The following PNLIPRP1 variants were observed in gnomAD, a reference collection of about 807,000 sequenced individuals.
The protein encoded by PNLIPRP1 is inactive pancreatic lipase-related protein 1.
A neutral mutation model predicts 54.6 loss-of-function variants in PNLIPRP1; 57 were observed. That is an observed-to-expected ratio of 1.04 (90% CI 0.84 to 1.30). PNLIPRP1 has a LOEUF of 1.30. PNLIPRP1 is among the 50% of genes most tolerant of loss of function. The pLI is 0.00. For missense variants in PNLIPRP1, 567 were observed against 568.5 expected, an observed-to-expected ratio of 1.00 and a Z score of 0.03; for synonymous variants, 232 against 208.8, an observed-to-expected ratio of 1.11 and a Z score of -0.96.
At chr10:116,592,363 A>T in intron 3 of PNLIPRP1, 53 bp from the exon 4 acceptor site, 1 of 1,533,006 alleles carries the variant, frequency 6.5e-7, no homozygotes. Flanking sequence ...GGAAGGAAAA[A>T]GGCCTGTGAG....
At position 116,597,757 on chromosome 10, in the gene PNLIPRP1, G is replaced by T. The variant is rs549196539; in HGVS notation, c.575-71G>T. ...AGTTGGGCAGTGCATAGCCCGGGCA[G>T]CTGTACACCTTGGTGCTGCTGACAT... On this transcript the variant is annotated intron_variant, in intron 6 of 12. Coordinates refer to ENST00000358834, the MANE Select transcript of PNLIPRP1 (RefSeq NM_006229.4). The T allele has an allele frequency of 5.7e-6, 9 of 1,592,786 alleles. No individual in the cohort carries two copies. The African/African-American group carries it at 1.1e-4, about 19-fold the overall frequency.
intron 12 of PNLIPRP1, among the ~76,000 whole-genome samples, chr10:116,606,346 C>T (rs1847937126): frequency 6.6e-6 from 1 of 152,100 alleles, no homozygotes; most frequent in Admixed American, 6.5e-5. Context: ...TGAGGTTCTC[C>T]TTATCCCCAC....
At chr10:116,591,449 G>C (rs1847634354) in intron 2 of PNLIPRP1, among the ~76,000 whole-genome samples, 1 of 152,182 alleles carries the variant, frequency 6.6e-6, no homozygotes, top group Non-Finnish European at 1.5e-5. Context: ...TTAACATATT[G>C]ACTTATCAAT....
intron 9 of PNLIPRP1, among the ~76,000 whole-genome samples, chr10:116,600,746 G>T (rs1847821664): frequency 6.6e-6 from 1 of 152,170 alleles, no homozygotes; most frequent in Non-Finnish European, 1.5e-5. Flanking sequence ...ACTGAAAATG[G>T]TAAGCACTGC....
intron 12 of PNLIPRP1, 56 bp downstream of exon 12, chr10:116,605,609 T>G: frequency 1.5e-6 from 2 of 1,311,914 alleles, no homozygotes; most frequent in South Asian, 1.8e-5. Context: ...CATGTTATAA[T>G]GAAAACCCAC....
chr10:116,603,561 A>G (rs1847885519), intron 10 of PNLIPRP1, among the ~76,000 whole-genome samples: 1 of 152,170 alleles, frequency 6.6e-6, no homozygotes, highest in African/African-American at 2.4e-5. Context: ...ATACTTCTCC[A>G]TAAGGCCTTG....
chr10:116,595,421 G>A (rs1847717870), intron 5 of PNLIPRP1: 1 of 153,994 alleles, frequency 6.5e-6, no homozygotes, highest in African/African-American at 2.4e-5. Context: ...AATTCTTTAA[G>A]TTGCTAATCC....
At chr10:116,595,879 T>C (rs1160636632) in intron 5 of PNLIPRP1, 1 of 211,508 alleles carries the variant, frequency 4.7e-6, no homozygotes, top group East Asian at 1.2e-4. Flanking sequence ...GGAAGAGACG[T>C]CTAAATTGAC....
chr10:116,594,777 GAAGGGCTCCC>G lies in PNLIPRP1; in HGVS notation c.382_391del (p.Gly128ProfsTer25), dbSNP rs1476181472. The G allele has an allele frequency of 1.9e-6, 3 of 1,614,034 alleles. No homozygotes were observed. The African/African-American group carries it at 4.0e-5, about 22-fold the overall frequency. Reference sequence around the variant, plus strand: ...TGAACTGCATCTGCGTGGACTGGAAGAAGGGCTCCCAAGCCACCTACACACAGGCTGCCAA... The same window carrying G: ...TGAACTGCATCTGCGTGGACTGGAAGAAGCCACCTACACACAGGCTGCCAA... On this transcript the variant is annotated frameshift_variant, in exon 5 of 13. Transcript: ENST00000358834. LOFTEE classifies it high-confidence loss of function.
intron 7 of PNLIPRP1, 29 bp from the exon 8 acceptor site, chr10:116,598,018 A>C: frequency 1.2e-6 from 2 of 1,614,082 alleles, no homozygotes; most frequent in Non-Finnish European, 1.7e-6. Context: ...TGCATGACAA[A>C]AAGCTCATTG....
intron 3 of PNLIPRP1, 70 bp from the exon 4 acceptor site, chr10:116,592,346 G>A: frequency 4.0e-6 from 6 of 1,508,926 alleles, no homozygotes; most frequent in Non-Finnish European, 5.3e-6. Flanking sequence ...GGCGCAGGCG[G>A]AGATGAGGAA....
At position 116,601,156 on chromosome 10, in the gene PNLIPRP1, C is replaced by G; in HGVS notation, c.1018C>G (p.Gln340Glu). 6.2e-7 allele frequency: 1 copy of G among 1,614,102 alleles called. No individual in the cohort carries two copies. The highest frequency in any genetic ancestry group is 8.5e-7 in the Non-Finnish European group (1 of 1,179,982). ...DKFAGRTSEE[Q>E]QKFFLNTGEA... ...ATTTGCTGGCAGGACAAGTGAAGAG[C>G]AGCAGAAATTCTTCTTGAACACAGG... The change falls in exon 10 of 13, where the codon CAG (glutamine) becomes GAG (glutamate). Residue 340 changes from glutamine (Q) to glutamate (E), a missense_variant. Coordinates refer to ENST00000358834, the MANE Select transcript of PNLIPRP1 (RefSeq NM_006229.4).
At chr10:116,598,273 A>G (rs1487688033) in intron 8 of PNLIPRP1, 107 bp downstream of exon 8, 2 of 1,077,492 alleles carry the variant, frequency 1.9e-6, no homozygotes, top group Non-Finnish European at 2.6e-6. Context: ...CTTTAAAAAT[A>G]TACAATTCCC....
chr10:116,599,719 C>T (rs4586064), intron 8 of PNLIPRP1, among the ~76,000 whole-genome samples: 1 of 152,084 alleles, frequency 6.6e-6, no homozygotes, highest in Non-Finnish European at 1.5e-5. Context: ...CACCTATTAG[C>T]TAAGCTGTAA....
At chr10:116,604,926 C>T (rs1847912891) in intron 11 of PNLIPRP1, among the ~76,000 whole-genome samples, 1 of 152,130 alleles carries the variant, frequency 6.6e-6, no homozygotes, top group Admixed American at 6.5e-5. Context: ...CTTCTGACCT[C>T]AAGTGATCCA....
At chr10:116,595,955 AAGAACAAACC>A (rs1293057556) in intron 5 of PNLIPRP1, 1 of 354,700 alleles carries the variant, frequency 2.8e-6, no homozygotes, top group African/African-American at 2.1e-5. Context: ...ACAAGAAGAG[AAGAACAAACC>A]AGGCCCAGAG....
intron 11 of PNLIPRP1, among the ~76,000 whole-genome samples, chr10:116,604,960 T>C (rs1847913388): frequency 6.6e-6 from 1 of 152,180 alleles, no homozygotes; most frequent in African/African-American, 2.4e-5. Context: ...CTCAAAGTGC[T>C]GGGATTACAG....
intron 12 of PNLIPRP1, among the ~76,000 whole-genome samples, chr10:116,607,195 G>A (rs1316032413): frequency 6.6e-6 from 1 of 151,910 alleles, no homozygotes; most frequent in Non-Finnish European, 1.5e-5. Flanking sequence ...AAAGAGAAAG[G>A]CAGCCCTCCC....
In PNLIPRP1 at chr10:116,602,714, C is replaced by T. The variant is rs188804458; in HGVS notation, c.1064-1316C>T. 1.1e-4 allele frequency among the ~76,000 whole-genome samples: 16 copies of T among 152,214 alleles called. No homozygotes were observed. The East Asian group carries it at 3.1e-3, about 30-fold the overall frequency. ...AATCATGTCTGTGTATATTAATGTA[C>T]ATCTGTGCACATGTGTGGGTGTATG... On this transcript the variant is annotated intron_variant, in intron 10 of 12. Coordinates refer to ENST00000358834, the MANE Select transcript of PNLIPRP1 (RefSeq NM_006229.4).
Sources: gnomAD v4.1 joint callset for allele counts (sites outside exome capture counted in the v4.1 genomes callset) on GRCh38, gnomAD v4.1.1 for gene constraint, MANE v1.5 for transcripts, NCBI Gene and HGNC (gene_info 2026-07-23, HGNC 2026-07-21) for gene names.